Variants in XCR1 observed in about 807,000 individuals in gnomAD.
The protein encoded by XCR1 is X-C motif chemokine receptor 1.
For missense variants in XCR1, 356 were observed against 424.2 expected (o/e 0.84, Z 1.41); for synonymous variants, 187 against 188.5 (o/e 0.99, Z 0.06).
upstream of XCR1, among the ~76,000 whole-genome samples, chr3:46,030,880 C>G (rs143209589): frequency 2.0e-5 from 3 of 152,268 alleles, no homozygotes; most frequent in African/African-American, 7.2e-5. Context: ...CATTCCCTGC[C>G]GTGTTCTGGG....
intron 1 of XCR1, among the ~76,000 whole-genome samples, chr3:46,081,640 G>A (rs1051821985): frequency 1.3e-5 from 2 of 151,666 alleles, no homozygotes; most frequent in African/African-American, 4.8e-5. Context: ...AAGCATTTTT[G>A]CCCTTTGTGA....
chr3:46,059,989 G>A (rs967063008), intron 4 of XCR1, among the ~76,000 whole-genome samples: 8 of 152,192 alleles, frequency 5.3e-5, no homozygotes, highest in African/African-American at 1.7e-4. Flanking sequence ...ATACTAGGAC[G>A]TAAAGTCAAT....
intron 1 of XCR1, among the ~76,000 whole-genome samples, chr3:46,026,357 T>C (rs1051914610): frequency 4.6e-5 from 7 of 152,068 alleles, no homozygotes; most frequent in Non-Finnish European, 7.4e-5. Flanking sequence ...TCCCTCCCCA[T>C]CTCTGTGGCC....
chr3:46,029,395 A>G (rs1249623982), upstream of XCR1, among the ~76,000 whole-genome samples: 3 of 152,040 alleles, frequency 2.0e-5, no homozygotes, highest in Non-Finnish European at 2.9e-5. Context: ...GGGTTTTACC[A>G]TGTTTCCCAG....
chr3:46,062,136 G>T (rs1331383867), intron 4 of XCR1, among the ~76,000 whole-genome samples: 1 of 152,158 alleles, frequency 6.6e-6, no homozygotes, highest in Admixed American at 6.5e-5. Flanking sequence ...GGCTTTTTCA[G>T]TGAGTGGTTA....
chr3:46,043,870 AT>A, intron 5 of XCR1, among the ~76,000 whole-genome samples: 1 of 152,310 alleles, frequency 6.6e-6, no homozygotes, highest in Admixed American at 6.5e-5. Context: ...AAGAAGTAAA[AT>A]TATGTGTGTT....
chr3:46,038,355 C>G (rs560462611), intron 5 of XCR1, among the ~76,000 whole-genome samples: 1 of 152,116 alleles, frequency 6.6e-6, no homozygotes, highest in East Asian at 1.9e-4. Flanking sequence ...AACACTTTAG[C>G]CTCCAAGGTA....
intron 1 of XCR1, among the ~76,000 whole-genome samples, chr3:46,082,420 C>T (rs190508820): frequency 1.9e-4 from 28 of 150,178 alleles, no homozygotes; most frequent in Admixed American, 1.8e-3. Flanking sequence ...CACACACACA[C>T]ACACACACAT....
chr3:46,048,139 G>A lies in XCR1; in HGVS notation c.-32+5781C>T, dbSNP rs114139652. 7.8e-3 allele frequency among the ~76,000 whole-genome samples: 1,191 copies of A among 152,204 alleles called. 16 individuals carry two copies. The highest frequency in any genetic ancestry group is 0.026 in the African/African-American group (1,098 of 41,522). The stretch of plus-strand genomic sequence containing the variant: ...ACAAAGGGAGCCCTTCCAGTGGAGC[G>A]GTATAATTAATGACATTATTCTGAG... On this transcript the variant is annotated intron_variant, in intron 5 of 5. Transcript: ENST00000683768.
intron 1 of XCR1, among the ~76,000 whole-genome samples, chr3:46,023,137 C>T (rs1708192982): frequency 6.6e-6 from 1 of 152,286 alleles, no homozygotes; most frequent in South Asian, 2.1e-4. Context: ...GTCGCGGCGG[C>T]GGCGCAGGGG....
intron 1 of XCR1, chr3:46,023,228 G>T (rs997958938): frequency 7.1e-6 from 4 of 559,682 alleles, no homozygotes; most frequent in Non-Finnish European, 9.5e-6. Context: ...CGGCTGCGTC[G>T]CGCTCCCCTG....
Position 46,023,533 on chromosome 3 carries a change from C to T in XCR1, c.-31-1555G>A. Reference sequence around the variant, plus strand: ...CCAAGAGAGATGGAAAAGGGCCCAGCGTGAGGAAAGATTGAAAGCCTAGCA... The same window carrying T: ...CCAAGAGAGATGGAAAAGGGCCCAGTGTGAGGAAAGATTGAAAGCCTAGCA... On this transcript the variant is annotated intron_variant, in intron 1 of 1. Coordinates refer to ENST00000309285, the MANE Select transcript of XCR1 (RefSeq NM_001024644.2). 3.2e-6 allele frequency: 5 copies of T among 1,556,566 alleles called. No individual in the cohort carries two copies. In the South Asian group the frequency reaches 3.4e-5, roughly 10 times the overall value.
chr3:46,058,859 C>T (rs1201636368), intron 4 of XCR1, among the ~76,000 whole-genome samples: 1 of 152,174 alleles, frequency 6.6e-6, no homozygotes, highest in Non-Finnish European at 1.5e-5. Context: ...GCCATGATGA[C>T]CGGCCATAGG....
intron 4 of XCR1, among the ~76,000 whole-genome samples, chr3:46,058,779 G>A (rs758516837): frequency 2.0e-5 from 3 of 152,064 alleles, no homozygotes; most frequent in Non-Finnish European, 4.4e-5. Context: ...TGCCTAGGCT[G>A]GTCTTGAACT....
At chr3:46,042,398 A>C (rs1345155496) in intron 5 of XCR1, among the ~76,000 whole-genome samples, 1 of 152,172 alleles carries the variant, frequency 6.6e-6, no homozygotes, top group Non-Finnish European at 1.5e-5. Flanking sequence ...CTTTAAAAAA[A>C]ATTGACAAAT....
chr3:46,058,756 G>C (rs185894183), intron 4 of XCR1, among the ~76,000 whole-genome samples: 125 of 152,154 alleles, frequency 8.2e-4, no homozygotes, highest in African/African-American at 2.8e-3. Flanking sequence ...GTAGAAACAG[G>C]GTTTTACCAT....
intron 1 of XCR1, among the ~76,000 whole-genome samples, chr3:46,080,339 A>AT (rs1181648742): frequency 6.6e-6 from 1 of 152,194 alleles, no homozygotes; most frequent in Non-Finnish European, 1.5e-5. Context: ...GCCGCTAAGA[A>AT]TGCAGTCCTG....
chr3:46,030,472 T>G (rs1344778756), upstream of XCR1, among the ~76,000 whole-genome samples: 1 of 152,254 alleles, frequency 6.6e-6, no homozygotes, highest in Admixed American at 6.5e-5. Flanking sequence ...GAAGGACATC[T>G]TGGTTAATCC....
intron 4 of XCR1, among the ~76,000 whole-genome samples, chr3:46,059,598 C>T (rs1215740152): frequency 6.6e-6 from 1 of 152,150 alleles, no homozygotes; most frequent in African/African-American, 2.4e-5. Context: ...AAAACTTTCA[C>T]TCTTACTTCT....
Sources: gnomAD v4.1 joint callset for allele counts (sites outside exome capture counted in the v4.1 genomes callset) on GRCh38, gnomAD v4.1.1 for gene constraint, MANE v1.5 for transcripts, NCBI Gene and HGNC (gene_info 2026-07-23, HGNC 2026-07-21) for gene names.